Variants in RNF150 observed in about 807,000 individuals in gnomAD.
RNF150 encodes the protein ring finger protein 150.
In RNF150, 24 loss-of-function variants were observed where a neutral mutation model predicts 39.3. The ratio of observed to expected loss-of-function variants is 0.61; its 90% CI spans 0.44 to 0.86. The LOEUF (loss-of-function observed/expected upper bound fraction) is 0.86, where lower values mean the gene tolerates loss of function less well. RNF150 is among the 40% of genes least tolerant of loss of function. RNF150 has a pLI of 0.00. For synonymous variants in RNF150, 255 were observed against 227.3 expected (o/e 1.12, Z -1.10); for missense variants, 502 against 587.8 (o/e 0.85, Z 1.51).
chr4:141,128,834 G>T (rs529131792), intron 1 of RNF150, among the ~76,000 whole-genome samples: 1 of 152,156 alleles, frequency 6.6e-6, no homozygotes, highest in South Asian at 2.1e-4. Flanking sequence ...AGGTGAAAGG[G>T]AATAAAATGA....
At chr4:140,920,524 C>A (rs74795396) in intron 5 of RNF150, among the ~76,000 whole-genome samples, 7,479 of 60,520 alleles carry the variant, frequency 0.12, 721 homozygotes, top group East Asian at 0.36. Context: ...GATCATTAAA[C>A]AGTCAGGAAA....
At chr4:141,187,986 G>A (rs1334608346) in intron 1 of RNF150, among the ~76,000 whole-genome samples, 4 of 151,922 alleles carry the variant, frequency 2.6e-5, no homozygotes, top group Non-Finnish European at 4.4e-5. Context: ...GGCTGGTAAC[G>A]GTTTTTCCTT....
At chr4:140,995,203 A>T (rs912695468) in intron 1 of RNF150, among the ~76,000 whole-genome samples, 3 of 152,080 alleles carry the variant, frequency 2.0e-5, no homozygotes, top group African/African-American at 7.2e-5. Flanking sequence ...GTGAACCCCA[A>T]ATTTGGAACT....
intron 5 of RNF150, among the ~76,000 whole-genome samples, 193 bp from the exon 6 acceptor site, chr4:140,911,547 T>C (rs1300397409): frequency 1.3e-5 from 2 of 152,188 alleles, no homozygotes; most frequent in Non-Finnish European, 2.9e-5. Context: ...AAATTTCCTT[T>C]CCAAAGGTTC....
chr4:140,909,099 A>G (rs1730498234), intron 6 of RNF150, among the ~76,000 whole-genome samples: 1 of 152,214 alleles, frequency 6.6e-6, no homozygotes. Context: ...ATAAATGGAA[A>G]AATTCTGAGA....
chr4:140,866,830 GTCATCTCTGTA>G lies in RNF150; in HGVS notation c.*1420_*1430del, dbSNP rs768528491. 1 of 152,122 alleles carries G rather than the reference GTCATCTCTGTA, an allele frequency of 6.6e-6. No individual in the cohort carries two copies. Among genetic ancestry groups the G allele is most frequent in the Non-Finnish European group, 1.5e-5 (1 of 68,022 alleles). The allele number at this position is 152,122 out of a possible 1,614,324, so 9.4% of individuals were successfully genotyped here. A position where few individuals can be genotyped will look rare whatever the true frequency, so the allele number is the denominator to read the frequency against. ...TTCAGAGACGCTATCAATGACCTTA[GTCATCTCTGTA>G]TCTGGATAGTCTGAATATATTACAA... On this transcript the variant is annotated 3_prime_UTR_variant, in exon 7 of 7. Transcript: ENST00000515673.
At chr4:140,949,930 G>A (rs1021645606) in intron 2 of RNF150, among the ~76,000 whole-genome samples, 2 of 152,156 alleles carry the variant, frequency 1.3e-5, no homozygotes, top group African/African-American at 4.8e-5. Flanking sequence ...GTGTGAGTGT[G>A]CATATAGAAA....
Position 140,947,705 on chromosome 4 carries a change from A to G in RNF150, c.839T>C (p.Val280Ala). Residue 280 changes from valine (V) to alanine (A), a missense_variant, in exon 4 of 7, where the codon GTT becomes GCT. Transcript: ENST00000515673. Reference protein sequence around the residue: ...ETESDFDNCAVCIEGYKPNDV... With the variant: ...ETESDFDNCAACIEGYKPNDV... ...ATTGGGCTTGTACCCTTCAATACAA[A>G]CTGCACAGTTGTCAAAATCAGACTC... 1 of 1,601,554 alleles carries G rather than the reference A, an allele frequency of 6.2e-7. No homozygotes were observed. Among genetic ancestry groups the G allele is most frequent in the Non-Finnish European group, 8.5e-7 (1 of 1,175,450 alleles).
intron 1 of RNF150, among the ~76,000 whole-genome samples, chr4:141,056,144 G>A (rs775503734): frequency 5.9e-5 from 9 of 152,070 alleles, no homozygotes; most frequent in Non-Finnish European, 1.0e-4. Context: ...GTTATATATG[G>A]TCCTTGATAA....
chr4:141,102,143 C>T (rs773410299), intron 1 of RNF150, among the ~76,000 whole-genome samples: 2 of 152,074 alleles, frequency 1.3e-5, no homozygotes, highest in Non-Finnish European at 2.9e-5. Context: ...ACCAAAATGT[C>T]GTTATGTGGC....
chr4:141,049,600 C>T (rs1736703554), intron 1 of RNF150, among the ~76,000 whole-genome samples: 1 of 151,982 alleles, frequency 6.6e-6, no homozygotes, highest in South Asian at 2.1e-4. Flanking sequence ...TTTAGCAAAA[C>T]TTTTTAATGA....
chr4:141,062,941 T>G (rs538179872), intron 1 of RNF150, among the ~76,000 whole-genome samples: 37 of 152,302 alleles, frequency 2.4e-4, no homozygotes, highest in African/African-American at 8.2e-4. Flanking sequence ...TTCGGTTTTC[T>G]GTTCCTGTGT....
chr4:141,037,651 A>G (rs1406593763), intron 1 of RNF150, among the ~76,000 whole-genome samples: 1 of 152,204 alleles, frequency 6.6e-6, no homozygotes, highest in Non-Finnish European at 1.5e-5. Flanking sequence ...TTGGATCAAA[A>G]GAGCCTTTTT....
intron 1 of RNF150, among the ~76,000 whole-genome samples, chr4:141,158,937 G>T (rs1277987453): frequency 6.6e-6 from 1 of 152,102 alleles, no homozygotes; most frequent in Non-Finnish European, 1.5e-5. Flanking sequence ...CATCTTGAGG[G>T]TGCTTTGAAA....
In RNF150 at chr4:141,193,979, A is replaced by G. The variant is rs149330055; in HGVS notation, c.-6+18815T>C. ...AAGAATGACTACATCTGTGTGTGCT[A>G]TAAAAAGCAATGAAGCATTGTCATT... On this transcript the variant is annotated intron_variant, in intron 1 of 7. Transcript: ENST00000420921. Among the ~76,000 whole-genome samples the G allele has an allele frequency of 1.6e-3, 249 of 152,374 alleles. 1 individual carries two copies. Among genetic ancestry groups the G allele is most frequent in the Non-Finnish European group, 2.7e-3 (185 of 68,034 alleles).
chr4:140,935,321 C>T (rs1731822106), intron 4 of RNF150, among the ~76,000 whole-genome samples: 1 of 151,622 alleles, frequency 6.6e-6, no homozygotes, highest in Non-Finnish European at 1.5e-5. Context: ...TATAGTGTGT[C>T]TCACTCCTTG....
At chr4:141,010,472 C>T (rs1735034639) in intron 1 of RNF150, among the ~76,000 whole-genome samples, 1 of 152,152 alleles carries the variant, frequency 6.6e-6, no homozygotes, top group Admixed American at 6.5e-5. Context: ...GTCCTCCAGG[C>T]AACAGTACAA....
chr4:140,948,323 T>C (rs988540754), intron 3 of RNF150, among the ~76,000 whole-genome samples: 1 of 152,202 alleles, frequency 6.6e-6, no homozygotes, highest in African/African-American at 2.4e-5. Context: ...TGAAAAATAA[T>C]AGCACATAAT....
chr4:141,171,079 A>G (rs1286975602), intron 1 of RNF150, among the ~76,000 whole-genome samples: 1 of 152,244 alleles, frequency 6.6e-6, no homozygotes, highest in East Asian at 1.9e-4. Context: ...CAATGCAGTC[A>G]TGTTAAGGTT....
Sources: allele counts gnomAD v4.1 joint callset (sites outside exome capture counted in the v4.1 genomes callset), GRCh38; gene constraint gnomAD v4.1.1; transcripts MANE v1.5; gene names NCBI Gene and HGNC (gene_info 2026-07-23, HGNC 2026-07-21).